Variants in TMEM139 observed in about 807,000 individuals in gnomAD.
TMEM139 encodes the protein transmembrane protein 139.
Under a neutral mutation model 15.9 loss-of-function variants are expected in TMEM139, and 9 were observed. The ratio of observed to expected loss-of-function variants is 0.57; its 90% CI spans 0.34 to 0.99. The LOEUF is 0.99. Ranked by LOEUF, TMEM139 falls within the 50% of genes least tolerant of loss-of-function variation. The pLI, the probability that TMEM139 is intolerant of heterozygous loss-of-function variation, is 0.02. For missense variants in TMEM139, 270 were observed against 267.7 expected, an observed-to-expected ratio of 1.01 and a Z score of -0.06; for synonymous variants, 95 against 110.5, an observed-to-expected ratio of 0.86 and a Z score of 0.88.
Position 143,286,582 on chromosome 7 carries a change from G to A in TMEM139, c.404G>A (p.Arg135Lys). 2 of 1,613,956 alleles carry A rather than the reference G, an allele frequency of 1.2e-6. No homozygotes were observed. Among genetic ancestry groups the A allele is most frequent in the Non-Finnish European group, 1.7e-6 (2 of 1,179,962 alleles). Reference sequence around the variant, plus strand: ...CAACCTAGCCATCCAGAGGGGTCCAGGAGAGCCAAACTGGAACAGAGGCGA... The same window carrying A: ...CAACCTAGCCATCCAGAGGGGTCCAAGAGAGCCAAACTGGAACAGAGGCGA... ...EEQPSHPEGS[R>K]RAKLEQRRMA... The change falls in exon 3 of 3, where the codon AGG becomes AAG. Residue 135 changes from arginine to lysine, a missense_variant. Transcript: ENST00000359333.
rs936397949 is a variant in TMEM139 at position 143,285,842 on chromosome 7, G to C, written c.-17-99G>C. 6.7e-6 allele frequency: 10 copies of C among 1,501,416 alleles called. No homozygotes were observed. In the African/African-American group the frequency reaches 1.3e-4, roughly 19 times the overall value. The allele number at this position is 1,501,416 out of a possible 1,614,324, so 93.0% of individuals were successfully genotyped here. A position where few individuals can be genotyped will look rare whatever the true frequency, so the allele number is the denominator to read the frequency against. ...GATTTATTTGAGATTGAAGAACCTA[G>C]AAACCAAACAAAGAAATATCATATG... On this transcript the variant is annotated intron_variant, in intron 1 of 2. Coordinates refer to ENST00000359333, the MANE Select transcript of TMEM139 (RefSeq NM_001282876.2).
rs1313941177 is a variant in TMEM139 at position 143,287,070 on chromosome 7, T to C, written c.*241T>C. ...CATATCCAATATTTCCAGCGTTAGA[T>C]TGAGGATGAGGTAGGGAGGTGATCC... is the stretch of plus-strand genomic sequence containing the variant. On this transcript the variant is annotated 3_prime_UTR_variant, in exon 3 of 3. Transcript: ENST00000359333. 4 of 453,496 alleles carry C rather than the reference T, an allele frequency of 8.8e-6. No homozygotes were observed. The highest frequency in any genetic ancestry group is 7.8e-5 in the Admixed American group (2 of 25,658). 28.1% of individuals were successfully genotyped at this position (453,496 alleles called of 1,614,324 possible).
rs201994394 is a variant in TMEM139 at position 143,286,585 on chromosome 7, G to A, written c.407G>A (p.Arg136Lys). 1.9e-6 allele frequency: 3 copies of A among 1,613,970 alleles called. No homozygotes were observed. The highest frequency in any genetic ancestry group is 1.7e-6 in the Non-Finnish European group (2 of 1,179,974). The stretch of plus-strand genomic sequence containing the variant: ...CCTAGCCATCCAGAGGGGTCCAGGA[G>A]AGCCAAACTGGAACAGAGGCGAATG... Reference protein sequence around the residue: ...EQPSHPEGSRRAKLEQRRMAS... With the variant: ...EQPSHPEGSRKAKLEQRRMAS... Residue 136 changes from arginine to lysine, a missense_variant, in exon 3 of 3, where the codon AGA becomes AAA. Physicochemically the swap from Arg to Lys is conservative, Grantham distance 26. Transcript: ENST00000359333.
In TMEM139 at chr7:143,285,153, G is replaced by A. The variant is rs1480070642; in HGVS notation, c.-310G>A. The A allele has an allele frequency of 6.6e-6, 1 of 152,492 alleles. No homozygotes were observed. Among genetic ancestry groups the A allele is most frequent in the African/African-American group, 2.4e-5 (1 of 41,456 alleles). 9.4% of individuals were successfully genotyped at this position (152,492 alleles called of 1,614,324 possible). ...TTGTTGCTGTTACAAGGAAAGAAAA[G>A]AGTTCCCCTGCCCACCGCCTCCCAG... On this transcript the variant is annotated 5_prime_UTR_variant, in exon 1 of 3. Transcript: ENST00000359333.
chr7:143,286,173 T>C lies in TMEM139; in HGVS notation c.216T>C (p.Thr72=), dbSNP rs769982248. The change falls in exon 2 of 3, where the codon ACT becomes ACC. Residue 72 remains threonine, a synonymous_variant. Transcript: ENST00000359333. ...GGTCCCAGCTCCAATCAATGCAGACTGAGAGCCCAGGGCCCTCAGGCAATG... is the reference window on the plus strand; with the variant it reads ...GGTCCCAGCTCCAATCAATGCAGACCGAGAGCCCAGGGCCCTCAGGCAATG... ...GLRSQLQSMQ[T]ESPGPSGNAR... 2.5e-6 allele frequency: 4 copies of C among 1,614,056 alleles called. No homozygotes were observed. Among genetic ancestry groups the C allele is most frequent in the Admixed American group, 3.3e-5 (2 of 60,030 alleles).
Position 143,286,952 on chromosome 7 carries a change from G to T in TMEM139, c.*123G>T. On this transcript the variant is annotated 3_prime_UTR_variant, in exon 3 of 3. Transcript: ENST00000359333. ...CCTGGACATCATAAATGGGGACTTG[G>T]ACCCTGAGGAGAGTCAGGCCACGGT... is the stretch of plus-strand genomic sequence containing the variant. 1.1e-5 allele frequency: 13 copies of T among 1,197,346 alleles called. No homozygotes were observed. Among genetic ancestry groups the T allele is most frequent in the Non-Finnish European group, 1.4e-5 (12 of 859,492 alleles). 74.2% of individuals were successfully genotyped at this position (1,197,346 alleles called of 1,614,324 possible). A position where few individuals can be genotyped will look rare whatever the true frequency, so the allele number is the denominator to read the frequency against.
chr7:143,286,019 C>G lies in TMEM139; in HGVS notation c.62C>G (p.Ser21Cys), dbSNP rs1801274238. 1.2e-6 allele frequency: 2 copies of G among 1,614,046 alleles called. No homozygotes were observed. The highest frequency in any genetic ancestry group is 3.3e-5 in the Admixed American group (2 of 59,994). Residue 21 changes from serine to cysteine, a missense_variant, in exon 2 of 3, where the codon TCC (serine) becomes TGC (cysteine). Physicochemically the swap from Ser to Cys is moderately radical, Grantham distance 112 (BLOSUM62 -1). Coordinates refer to ENST00000359333, the MANE Select transcript of TMEM139 (RefSeq NM_001282876.2). ...EKPLLLLCCA[S>C]FLLGLALLGI... ...CCGCTTCTCCTCCTGTGCTGCGCCT[C>G]CTTCCTACTGGGGCTGGCTTTGCTG...
In TMEM139 at chr7:143,286,901, CTA is replaced by C; in HGVS notation, c.*74_*75del. On this transcript the variant is annotated 3_prime_UTR_variant, in exon 3 of 3. Coordinates refer to ENST00000359333, the MANE Select transcript of TMEM139 (RefSeq NM_001282876.2). Reference sequence around the variant, plus strand: ...TTTGACTAACATTTTCCAGCGCCTACTATGTGTCAGAAACAAGTGTTTCTGCC... The same window carrying C: ...TTTGACTAACATTTTCCAGCGCCTACTGTGTCAGAAACAAGTGTTTCTGCC... 1 of 1,476,326 alleles carries C rather than the reference CTA, an allele frequency of 6.8e-7. No homozygotes were observed. The highest frequency in any genetic ancestry group is 9.1e-7 in the Non-Finnish European group (1 of 1,101,278). The allele number at this position is 1,476,326 out of a possible 1,614,324, so 91.5% of individuals were successfully genotyped here.
At position 143,286,678 on chromosome 7, in the gene TMEM139, G is replaced by A. The variant is rs1445781623; in HGVS notation, c.500G>A (p.Gly167Glu). Reference sequence around the variant, plus strand: ...GCTCCAATCAACCTTCGGCTTCGGGGACCACGGGCTGTGTCCACTGCTCCT... The same window carrying A: ...GCTCCAATCAACCTTCGGCTTCGGGAACCACGGGCTGTGTCCACTGCTCCT... ...GRAPINLRLR[G>E]PRAVSTAPDL... Residue 167 changes from glycine (G) to glutamate (E), a missense_variant, in exon 3 of 3, where the codon GGA (glycine) becomes GAA (glutamate). Gly to Glu is a moderately conservative substitution (Grantham distance 98). Transcript: ENST00000359333. 1 of 1,614,178 alleles carries A rather than the reference G, an allele frequency of 6.2e-7. No individual in the cohort carries two copies. The highest frequency in any genetic ancestry group is 1.1e-5 in the South Asian group (1 of 91,086).
At position 143,286,171 on chromosome 7, in the gene TMEM139, A is replaced by T; in HGVS notation, c.214A>T (p.Thr72Ser). The change falls in exon 2 of 3, where the codon ACT becomes TCT. Residue 72 changes from threonine to serine, a missense_variant. Coordinates refer to ENST00000359333, the MANE Select transcript of TMEM139 (RefSeq NM_001282876.2). ...TCGGTCCCAGCTCCAATCAATGCAG[A>T]CTGAGAGCCCAGGGCCCTCAGGCAA... ...GLRSQLQSMQ[T>S]ESPGPSGNAR... is the part of the protein sequence containing the mutation. The T allele has an allele frequency of 6.2e-7, 1 of 1,613,980 alleles. No homozygotes were observed. Among genetic ancestry groups the T allele is most frequent in the Non-Finnish European group, 8.5e-7 (1 of 1,179,990 alleles).
At chr7:143,285,910 G>A in intron 1 of TMEM139, 31 bp from the exon 2 acceptor site, 1 of 1,612,084 alleles carries the variant, frequency 6.2e-7, no homozygotes, top group Non-Finnish European at 8.5e-7. Flanking sequence ...AATTGCTAGT[G>A]TAGACACAAT....
Position 143,285,012 on chromosome 7 carries a change from G to A in TMEM139, c.-451G>A, listed in dbSNP as rs533929443. 273 of 152,526 alleles carry A rather than the reference G, an allele frequency of 1.8e-3. No individual in the cohort carries two copies. Among genetic ancestry groups the A allele is most frequent in the Admixed American group, 3.4e-3 (52 of 15,290 alleles). 9.4% of individuals were successfully genotyped at this position (152,526 alleles called of 1,614,324 possible). A position where few individuals can be genotyped will look rare whatever the true frequency, so the allele number is the denominator to read the frequency against. ...CTTCTGAGACAGGTGTGGGTGCGAG[G>A]GTCGGGAGGGTCATGGGATTGGGAC... is the stretch of plus-strand genomic sequence containing the variant. On this transcript the variant is annotated 5_prime_UTR_variant, in exon 1 of 3. Transcript: ENST00000359333.
chr7:143,286,559 A>G lies in TMEM139; in HGVS notation c.381A>G (p.Gln127=). The change falls in exon 3 of 3, where the codon CAA becomes CAG. Residue 127 remains glutamine, a synonymous_variant. Coordinates refer to ENST00000359333, the MANE Select transcript of TMEM139 (RefSeq NM_001282876.2). ...VVIPPAPEEE[Q]PSHPEGSRRA... The stretch of plus-strand genomic sequence containing the variant: ...TACCCCCAGCACCTGAGGAGGAACA[A>G]CCTAGCCATCCAGAGGGGTCCAGGA... 6.2e-7 allele frequency: 1 copy of G among 1,613,272 alleles called. No homozygotes were observed. The highest frequency in any genetic ancestry group is 2.2e-5 in the East Asian group (1 of 44,772).
intron 1 of TMEM139, 74 bp downstream of exon 1, chr7:143,285,519 G>A: frequency 5.2e-6 from 1 of 192,586 alleles, no homozygotes; most frequent in Non-Finnish European, 1.1e-5. Context: ...GGTGGGGGTG[G>A]AGATCCAGTA....
intron 1 of TMEM139, 92 bp downstream of exon 1, chr7:143,285,537 T>C (rs542564533): frequency 4.7e-6 from 1 of 212,458 alleles, no homozygotes; most frequent in African/African-American, 2.3e-5. Context: ...GTAGGAGCAA[T>C]AACAGAGGAA....
chr7:143,286,619 G>C lies in TMEM139; in HGVS notation c.441G>C (p.Glu147Asp), dbSNP rs776983910. 4 of 1,614,108 alleles carry C rather than the reference G, an allele frequency of 2.5e-6. No individual in the cohort carries two copies. Among genetic ancestry groups the C allele is most frequent in the East Asian group, 4.5e-5 (2 of 44,870 alleles). Residue 147 changes from glutamate to aspartate, a missense_variant, in exon 3 of 3, where the codon GAG (glutamate) becomes GAC (aspartate). By Grantham distance (45) the Glu-to-Asp change is conservative. Coordinates refer to ENST00000359333, the MANE Select transcript of TMEM139 (RefSeq NM_001282876.2). Reference sequence around the variant, plus strand: ...TGGAACAGAGGCGAATGGCCTCAGAGGGGTCCATGGCCCAGGAAGGAAGCC... The same window carrying C: ...TGGAACAGAGGCGAATGGCCTCAGACGGGTCCATGGCCCAGGAAGGAAGCC... Reference protein sequence around the residue: ...AKLEQRRMASEGSMAQEGSPG... With the variant: ...AKLEQRRMASDGSMAQEGSPG...
In TMEM139 at chr7:143,286,051, A is replaced by G; in HGVS notation, c.94A>G (p.Lys32Glu). 1 of 1,614,108 alleles carries G rather than the reference A, an allele frequency of 6.2e-7. No homozygotes were observed. The highest frequency in any genetic ancestry group is 8.5e-7 in the Non-Finnish European group (1 of 1,180,024). The change falls in exon 2 of 3, where the codon AAG becomes GAG. Residue 32 changes from lysine (K) to glutamate (E), a missense_variant. Coordinates refer to ENST00000359333, the MANE Select transcript of TMEM139 (RefSeq NM_001282876.2). The part of the protein sequence containing the change: ...FLLGLALLGI[K>E]TDITPVAYFF... ...ACTGGGGCTGGCTTTGCTGGGCATA[A>G]AGACGGACATCACCCCCGTTGCTTA...
chr7:143,286,126 C>G lies in TMEM139; in HGVS notation c.169C>G (p.Arg57Gly). 6.2e-7 allele frequency: 1 copy of G among 1,614,040 alleles called. No individual in the cohort carries two copies. Among genetic ancestry groups the G allele is most frequent in the Non-Finnish European group, 8.5e-7 (1 of 1,180,010 alleles). Reference protein sequence around the residue: ...GFFLFAYLLVRFLEWGLRSQL... With the variant: ...GFFLFAYLLVGFLEWGLRSQL... ...CTTCTTGTTTGCCTATCTCCTGGTC[C>G]GGTTTCTGGAATGGGGGCTTCGGTC... is the stretch of plus-strand genomic sequence containing the variant. The change falls in exon 2 of 3, where the codon CGG (arginine) becomes GGG (glycine). Residue 57 changes from arginine (R) to glycine (G), a missense_variant. Physicochemically the swap from Arg to Gly is moderately radical, Grantham distance 125. Transcript: ENST00000359333.
At position 143,286,860 on chromosome 7, in the gene TMEM139, C is replaced by T. The variant is rs1196061777; in HGVS notation, c.*31C>T. ...TCTCCCAAGATTTCTCTTCTCTCCA[C>T]ACCAGACCTCGTTCATTTGACTAAC... On this transcript the variant is annotated 3_prime_UTR_variant, in exon 3 of 3. Transcript: ENST00000359333. 6.5e-7 allele frequency: 1 copy of T among 1,534,894 alleles called. No individual in the cohort carries two copies. Among genetic ancestry groups the T allele is most frequent in the South Asian group, 1.3e-5 (1 of 79,024 alleles).
Sources: allele counts gnomAD v4.1 joint callset, GRCh38; gene constraint gnomAD v4.1.1; transcripts MANE v1.5; gene names NCBI Gene and HGNC (gene_info 2026-07-23, HGNC 2026-07-21).